Variants in PIK3R3 observed in about 807,000 individuals in gnomAD.
PIK3R3 encodes the protein phosphatidylinositol 3-kinase regulatory subunit gamma.
A neutral mutation model predicts 62.9 loss-of-function variants in PIK3R3; 64 were observed. The ratio of observed to expected loss-of-function variants is 1.02; its 90% CI spans 0.83 to 1.25. The LOEUF (loss-of-function observed/expected upper bound fraction) is 1.25, where lower values mean the gene tolerates loss of function less well. PIK3R3 is among the 50% of genes most tolerant of loss of function. PIK3R3 has a pLI of 0.00. For missense variants in PIK3R3, 614 were observed against 561.6 expected (o/e 1.09, Z -0.94); for synonymous variants, 165 against 189.0 (o/e 0.87, Z 1.04).
At chr1:46,054,211 T>C (rs1221197262) in intron 7 of PIK3R3, among the ~76,000 whole-genome samples, 1 of 151,952 alleles carries the variant, frequency 6.6e-6, no homozygotes, top group African/African-American at 2.4e-5. Flanking sequence ...TTGGTCAACA[T>C]GGTGAAACCC....
At chr1:46,166,653 G>A in the PIK3R3 span, among the ~76,000 whole-genome samples, 1 of 152,200 alleles carries the variant, frequency 6.6e-6, no homozygotes, top group South Asian at 2.1e-4. Flanking sequence ...GCTTCAGGCT[G>A]TCAGGCCCTT....
At chr1:46,123,009 C>G (rs886959979) in intron 1 of PIK3R3, among the ~76,000 whole-genome samples, 6 of 151,716 alleles carry the variant, frequency 4.0e-5, no homozygotes, top group African/African-American at 1.5e-4. Flanking sequence ...ATCACCTGAG[C>G]CCAAGAGTTT....
chr1:46,127,249 G>C (rs1381083833), intron 1 of PIK3R3, among the ~76,000 whole-genome samples: 1 of 151,466 alleles, frequency 6.6e-6, no homozygotes, highest in African/African-American at 2.4e-5. Context: ...GGCTGAAGTG[G>C]AAGGATCATT....
chr1:46,069,556 G>T (rs951848803), intron 3 of PIK3R3, among the ~76,000 whole-genome samples: 2 of 151,902 alleles, frequency 1.3e-5, no homozygotes, highest in Non-Finnish European at 2.9e-5. Flanking sequence ...GGGGGAAAAA[G>T]TTTGGTTTTA....
intron 1 of PIK3R3, among the ~76,000 whole-genome samples, chr1:46,085,513 T>G (rs900345992): frequency 2.0e-5 from 3 of 152,344 alleles, no homozygotes; most frequent in African/African-American, 7.2e-5. Context: ...CACCCTCCCA[T>G]GTAGATTGTA....
chr1:46,148,980 C>A, the PIK3R3 span, among the ~76,000 whole-genome samples: 1 of 152,062 alleles, frequency 6.6e-6, no homozygotes. Flanking sequence ...AGGAGGGCAG[C>A]ACAAGACACA....
Position 46,061,788 on chromosome 1 carries a change from G to T in PIK3R3, c.764+141C>A, listed in dbSNP as rs913504200. ...CAGAGGAGAGAGGAAGTTCAATTTG[G>T]TGCCATTAGTGGAAACAGCAAGTGG... is the stretch of plus-strand genomic sequence containing the variant. On this transcript the variant is annotated intron_variant, in intron 6 of 9. Coordinates refer to ENST00000262741, the MANE Select transcript of PIK3R3 (RefSeq NM_003629.4). 6 of 753,960 alleles carry T rather than the reference G, an allele frequency of 8.0e-6. No individual in the cohort carries two copies. In the African/African-American group the frequency reaches 1.1e-4, roughly 13 times the overall value. The allele number at this position is 753,960 out of a possible 1,614,324, so 46.7% of individuals were successfully genotyped here.
At chr1:46,101,171 C>CAA (rs1171228788) in intron 1 of PIK3R3, among the ~76,000 whole-genome samples, 19,027 of 73,158 alleles carry the variant, frequency 0.26, 2,020 homozygotes, top group Non-Finnish European at 0.34. Flanking sequence ...GACTCCGTCT[C>CAA]AAAAAAAAAA....
intron 3 of PIK3R3, among the ~76,000 whole-genome samples, chr1:46,069,129 G>A (rs1649269160): frequency 1.3e-5 from 2 of 152,290 alleles, no homozygotes; most frequent in African/African-American, 4.8e-5. Context: ...ATACAAATAT[G>A]ACAGAGAGAC....
Position 46,066,914 on chromosome 1 carries a change from T to C in PIK3R3, c.492A>G (p.Gln164=), listed in dbSNP as rs1472623553. 2 of 1,610,030 alleles carry C rather than the reference T, an allele frequency of 1.2e-6. No individual in the cohort carries two copies. Among genetic ancestry groups the C allele is most frequent in the African/African-American group, 2.7e-5 (2 of 74,774 alleles). Reference sequence around the variant, plus strand: ...GCAAGGATTTCCATAATCATACCTGTTGGTATCTGGACACTGGGTACATCA... The same window carrying C: ...GCAAGGATTTCCATAATCATACCTGCTGGTATCTGGACACTGGGTACATCA... ...VKLMYPVSRY[Q]QDQLVKEDNI... Residue 164 remains glutamine (Q), a synonymous_variant, in exon 4 of 10, where the codon CAA becomes CAG. Coordinates refer to ENST00000262741, the MANE Select transcript of PIK3R3 (RefSeq NM_003629.4).
intron 1 of PIK3R3, among the ~76,000 whole-genome samples, chr1:46,113,318 G>A (rs1324373703): frequency 2.6e-5 from 2 of 77,716 alleles, no homozygotes; most frequent in Admixed American, 1.4e-4. Context: ...TTTTTTTTTT[G>A]AGACAAGGTT....
At chr1:46,075,217 C>G (rs1018498992) in intron 3 of PIK3R3, among the ~76,000 whole-genome samples, 14 of 152,308 alleles carry the variant, frequency 9.2e-5, no homozygotes, top group African/African-American at 2.9e-4. Context: ...TGTCAGTGCT[C>G]TCTGTACTAT....
rs552822586 is a variant in PIK3R3, at chr1:46,079,733, C to A, written c.215+909G>T. 3.3e-5 allele frequency among the ~76,000 whole-genome samples: 5 copies of A among 152,238 alleles called. No homozygotes were observed. The East Asian group carries it at 9.7e-4, about 29-fold the overall frequency. On this transcript the variant is annotated intron_variant, in intron 2 of 9. Coordinates refer to ENST00000262741, the MANE Select transcript of PIK3R3 (RefSeq NM_003629.4). ...CTTTGGGAGGCCAAGGTAGGTGGAT[C>A]ACCTGAGGTCAGGAGTTCGAGACCA...
chr1:46,133,063 G>C, upstream of PIK3R3: 1 of 1,015,004 alleles, frequency 9.9e-7, no homozygotes, highest in East Asian at 1.1e-4. Flanking sequence ...TGCGTCTTTT[G>C]TCTGCCTTGC....
intron 1 of PIK3R3, among the ~76,000 whole-genome samples, chr1:46,107,901 C>T (rs957868472): frequency 1.8e-4 from 27 of 152,162 alleles, no homozygotes; most frequent in African/African-American, 5.6e-4. Context: ...TAAAACAATG[C>T]CTGACACAGT....
chr1:46,156,631 A>G, the PIK3R3 span, among the ~76,000 whole-genome samples: 1 of 152,176 alleles, frequency 6.6e-6, no homozygotes, highest in African/African-American at 2.4e-5. Flanking sequence ...CTGAGCCACA[A>G]CTGCCCCTGG....
intron 4 of PIK3R3, among the ~76,000 whole-genome samples, 168 bp downstream of exon 4, chr1:46,066,743 T>C (rs1290893889): frequency 6.6e-6 from 1 of 152,124 alleles, no homozygotes; most frequent in Non-Finnish European, 1.5e-5. Flanking sequence ...GTGAGCCATA[T>C]TCATGCCACT....
At chr1:46,155,909 T>C in the PIK3R3 span, among the ~76,000 whole-genome samples, 1 of 152,218 alleles carries the variant, frequency 6.6e-6, no homozygotes, top group South Asian at 2.1e-4. Context: ...CATTTACGTA[T>C]TGTCTGTGGA....
At chr1:46,052,223 G>T (rs1647428377) in intron 7 of PIK3R3, among the ~76,000 whole-genome samples, 1 of 152,100 alleles carries the variant, frequency 6.6e-6, no homozygotes, top group South Asian at 2.1e-4. Context: ...TGTGAATGTG[G>T]TCTCTCAAAA....
Sources: allele counts gnomAD v4.1 joint callset (sites outside exome capture counted in the v4.1 genomes callset), GRCh38; gene constraint gnomAD v4.1.1; transcripts MANE v1.5; gene names NCBI Gene and HGNC (gene_info 2026-07-23, HGNC 2026-07-21).